VPS53: variants seen among roughly 807,000 people sequenced by gnomAD.
VPS53 encodes VPS53 subunit of GARP complex.
In VPS53, 70 loss-of-function variants were observed where a neutral mutation model predicts 107.0. That is an observed-to-expected ratio of 0.65 (90% CI 0.54 to 0.80). The LOEUF is 0.80. Among genes scored for constraint, VPS53 ranks in the 30% least tolerant of loss-of-function variants. The probability of loss-of-function intolerance (pLI) is 0.00; values close to 1 mark genes in which losing one functional copy is unlikely to be tolerated. For synonymous variants in VPS53, 409 were observed against 393.3 expected, an observed-to-expected ratio of 1.04 and a Z score of -0.47; for missense variants, 917 against 1,049.4, an observed-to-expected ratio of 0.87 and a Z score of 1.74.
chr17:588,705 C>T lies in VPS53; in HGVS notation c.1219-2341G>A, dbSNP rs116103513. On this transcript the variant is annotated intron_variant, in intron 12 of 21. Coordinates refer to ENST00000437048, the MANE Select transcript of VPS53 (RefSeq NM_001128159.3). Reference sequence around the variant, plus strand: ...TTTTACTCTTATCATCTGGAAGTCACTGCCAAAGCCAGGCCTTGGACTGAG... The same window carrying T: ...TTTTACTCTTATCATCTGGAAGTCATTGCCAAAGCCAGGCCTTGGACTGAG... 1.6e-3 allele frequency among the ~76,000 whole-genome samples: 237 copies of T among 152,342 alleles called. 1 individual carries two copies. Among genetic ancestry groups the T allele is most frequent in the African/African-American group, 5.5e-3 (229 of 41,594 alleles).
At chr17:671,313 GA>G (rs1971935174) in intron 4 of VPS53, among the ~76,000 whole-genome samples, 2 of 121,774 alleles carry the variant, frequency 1.6e-5, no homozygotes, top group South Asian at 2.8e-4. Context: ...GAAGGAAAAA[GA>G]AAAAAAGAAA....
chr17:610,777 A>G (rs1352616643), intron 11 of VPS53, among the ~76,000 whole-genome samples: 3 of 151,322 alleles, frequency 2.0e-5, no homozygotes, highest in African/African-American at 7.3e-5. Context: ...AAAAATACAA[A>G]AAATACAAAA....
chr17:662,292 T>C (rs1971466241), intron 4 of VPS53, among the ~76,000 whole-genome samples: 1 of 152,140 alleles, frequency 6.6e-6, no homozygotes, highest in Non-Finnish European at 1.5e-5. Context: ...AGTTCCAGAT[T>C]GTGCATTCAA....
chr17:565,596 T>G (rs547362638), intron 13 of VPS53, among the ~76,000 whole-genome samples: 2 of 151,742 alleles, frequency 1.3e-5, no homozygotes, highest in African/African-American at 4.8e-5. Context: ...CCTCATAACC[T>G]CTCTTGCCTC....
In VPS53 at chr17:519,745, A is replaced by AACT; in HGVS notation, c.2328+78_2328+80dup. On this transcript the variant is annotated intron_variant, in intron 21 of 21. Transcript: ENST00000437048. This position sits in a 1 kb window ranked among gnomAD's most constrained non-coding sequence, Gnocchi z 5.0. The stretch of plus-strand genomic sequence containing the variant: ...ATGCATTTTGAGAAAGCCCCCCCGG[A>AACT]ACTTATATCCCAATTCCCGGTTAAG... 1 of 1,055,782 alleles carries AACT rather than the reference A, an allele frequency of 9.5e-7. No individual in the cohort carries two copies. Among genetic ancestry groups the AACT allele is most frequent in the Non-Finnish European group, 1.4e-6 (1 of 704,580 alleles). 65.4% of individuals were successfully genotyped at this position (1,055,782 alleles called of 1,614,324 possible). A position where few individuals can be genotyped will look rare whatever the true frequency, so the allele number is the denominator to read the frequency against.
intron 12 of VPS53, among the ~76,000 whole-genome samples, chr17:592,281 T>C (rs1967705871): frequency 1.3e-5 from 2 of 152,228 alleles, no homozygotes; most frequent in South Asian, 4.1e-4. Flanking sequence ...GCCTATGTGG[T>C]GTCTCTGCCC....
chr17:614,728 G>A (rs963500682), intron 11 of VPS53, among the ~76,000 whole-genome samples: 1 of 152,122 alleles, frequency 6.6e-6, no homozygotes, highest in African/African-American at 2.4e-5. Context: ...TTCATGAGTC[G>A]TGAGCCTTTT....
intron 19 of VPS53, among the ~76,000 whole-genome samples, chr17:530,467 T>C (rs1909454463): frequency 6.6e-6 from 1 of 152,184 alleles, no homozygotes; most frequent in Non-Finnish European, 1.5e-5. Context: ...AAATTTATAT[T>C]CTAACAGTTT....
rs1343272882 is a variant in VPS53, at chr17:509,371, CT to C, written c.*9756del. The C allele has an allele frequency of 6.1e-6, 1 of 163,390 alleles. No homozygotes were observed. The highest frequency in any genetic ancestry group is 6.6e-5 in the Admixed American group (1 of 15,250). The allele number at this position is 163,390 out of a possible 1,614,324, so 10.1% of individuals were successfully genotyped here. On this transcript the variant is annotated 3_prime_UTR_variant, in exon 22 of 22. Transcript: ENST00000437048. Reference sequence around the variant, plus strand: ...TCACATATTGAATCCTGGCTCACCCCTCACTAGTCACATGTCAAATCCTGGC... The same window carrying C: ...TCACATATTGAATCCTGGCTCACCCCCACTAGTCACATGTCAAATCCTGGC...
chr17:698,429 T>C (rs1202228895), intron 3 of VPS53, among the ~76,000 whole-genome samples: 2 of 131,312 alleles, frequency 1.5e-5, no homozygotes, highest in Non-Finnish European at 3.2e-5. Context: ...CCAGACTCCA[T>C]CTCAAAAAAA....
chr17:523,812 C>CA (rs1908924038), intron 19 of VPS53, among the ~76,000 whole-genome samples: 2 of 152,100 alleles, frequency 1.3e-5, no homozygotes, highest in South Asian at 4.2e-4. Flanking sequence ...GCCAAGGGCT[C>CA]AGAGAAAAGG....
intron 4 of VPS53, among the ~76,000 whole-genome samples, chr17:697,184 C>A (rs533245774): frequency 1.3e-5 from 2 of 152,332 alleles, no homozygotes; most frequent in South Asian, 4.1e-4. Context: ...GACAAGGAAG[C>A]CCCAGTGTTC....
chr17:680,940 T>C (rs1467427193), intron 4 of VPS53, among the ~76,000 whole-genome samples: 2 of 152,204 alleles, frequency 1.3e-5, no homozygotes, highest in Non-Finnish European at 2.9e-5. Flanking sequence ...TTGAAAGGGT[T>C]TATGTAGGTT....
At chr17:626,331 A>G (rs1969706148) in intron 10 of VPS53, among the ~76,000 whole-genome samples, 1 of 152,182 alleles carries the variant, frequency 6.6e-6, no homozygotes, top group Admixed American at 6.5e-5. Context: ...ACTCATGGAT[A>G]ACGTAGAGAG....
intron 12 of VPS53, among the ~76,000 whole-genome samples, chr17:594,348 G>A (rs1012561108): frequency 6.6e-6 from 1 of 152,266 alleles, no homozygotes; most frequent in African/African-American, 2.4e-5. Flanking sequence ...ATGGCACATT[G>A]TCAACACCGC....
intron 4 of VPS53, chr17:675,567 T>C (rs1012002330): frequency 1.2e-4 from 18 of 151,644 alleles, no homozygotes; most frequent in Admixed American, 3.3e-4. Flanking sequence ...TCAGGTTGGG[T>C]GTTCGAGACC....
intron 4 of VPS53, among the ~76,000 whole-genome samples, chr17:672,354 T>C (rs1290617692): frequency 6.6e-6 from 1 of 152,118 alleles, no homozygotes; most frequent in East Asian, 1.9e-4. Context: ...CTAAGCCCGT[T>C]TGAATTGGGA....
intron 4 of VPS53, among the ~76,000 whole-genome samples, chr17:682,464 G>A (rs956992706): frequency 4.1e-4 from 62 of 152,276 alleles, no homozygotes; most frequent in African/African-American, 1.5e-3. Flanking sequence ...CAGGACAGGA[G>A]AACCGTCTCC....
At position 655,928 on chromosome 17, in the gene VPS53, T is replaced by A. The variant is rs1413444676; in HGVS notation, c.398A>T (p.Lys133Met). 1 of 1,614,016 alleles carries A rather than the reference T, an allele frequency of 6.2e-7. No homozygotes were observed. Among genetic ancestry groups the A allele is most frequent in the East Asian group, 2.2e-5 (1 of 44,862 alleles). Residue 133 changes from lysine (K) to methionine (M), a missense_variant, in exon 6 of 22, where the codon AAG becomes ATG. By Grantham distance (95) the Lys-to-Met change is moderately conservative. Coordinates refer to ENST00000437048, the MANE Select transcript of VPS53 (RefSeq NM_001128159.3). Reference sequence around the variant, plus strand: ...GTGGCGTTTGGCGTGATCTAATTGCTTAATATCACGGGTGATTTCTTTCAC... The same window carrying A: ...GTGGCGTTTGGCGTGATCTAATTGCATAATATCACGGGTGATTTCTTTCAC... ...QMVKEITRDI[K>M]QLDHAKRHLT...
Sources: gnomAD v4.1 joint callset for allele counts (sites outside exome capture counted in the v4.1 genomes callset) on GRCh38, gnomAD v4.1.1 for gene constraint, Gnocchi (gnomAD v3.1) non-coding constraint, MANE v1.5 for transcripts, NCBI Gene and HGNC (gene_info 2026-07-23, HGNC 2026-07-21) for gene names.